The following GPR35 variants were observed in gnomAD, a reference collection of about 807,000 sequenced individuals.
GPR35 encodes the protein G protein-coupled receptor 35.
For missense variants in GPR35, 372 were observed against 422.5 expected, an observed-to-expected ratio of 0.88 and a Z score of 1.05; for synonymous variants, 207 against 198.4, an observed-to-expected ratio of 1.04 and a Z score of -0.36.
At chr2:240,611,966 C>T (rs542923813) in intron 2 of GPR35, among the ~76,000 whole-genome samples, 12 of 151,970 alleles carry the variant, frequency 7.9e-5, no homozygotes, top group Non-Finnish European at 1.6e-4. Flanking sequence ...GAGAGGCCAG[C>T]GAAGGAGCAA....
At position 240,630,756 on chromosome 2, in the gene GPR35, C is replaced by A. The variant is rs891164511; in HGVS notation, c.804C>A (p.Asn268Lys). 14 of 1,613,608 alleles carry A rather than the reference C, an allele frequency of 8.7e-6. No homozygotes were observed. The highest frequency in any genetic ancestry group is 1.1e-5 in the Non-Finnish European group (13 of 1,180,046). Residue 268 changes from asparagine (N) to lysine (K), a missense_variant, in exon 2 of 2, where the codon AAC becomes AAA. Physicochemically the swap from Asn to Lys is moderately conservative, Grantham distance 94. Transcript: ENST00000407714. ...LYITSKLSDA[N>K]CCLDAICYYY... is the part of the protein sequence containing the mutation. ...TAACCAGCAAGCTCTCAGATGCCAA[C>A]TGCTGCCTGGACGCCATCTGCTACT...
chr2:240,619,492 G>A (rs1575464060), intron 5 of GPR35, among the ~76,000 whole-genome samples: 2 of 152,326 alleles, frequency 1.3e-5, no homozygotes, highest in South Asian at 4.1e-4. Flanking sequence ...CTGGGGTTAA[G>A]GACCCTCTGC....
chr2:240,623,405 C>T (rs62187256), upstream of GPR35, among the ~76,000 whole-genome samples: 1,574 of 37,764 alleles, frequency 0.042, 134 homozygotes, highest in South Asian at 0.072. Context: ...GTCGTGAGGG[C>T]GCAAACAGAT....
chr2:240,624,871 G>C (rs1398162095), upstream of GPR35, among the ~76,000 whole-genome samples: 1 of 152,194 alleles, frequency 6.6e-6, no homozygotes, highest in Admixed American at 6.5e-5. Context: ...GGCTTCTGAG[G>C]GGGTGGGCTT....
intron 1 of GPR35, 76 bp from the exon 2 acceptor site, chr2:240,629,873 G>C: frequency 7.9e-7 from 1 of 1,270,016 alleles, no homozygotes; most frequent in East Asian, 2.3e-5. Context: ...CCTGCCCAGA[G>C]GTGGGCAGAG....
chr2:240,626,940 T>C (rs1336136140), intron 1 of GPR35, among the ~76,000 whole-genome samples: 1 of 152,184 alleles, frequency 6.6e-6, no homozygotes, highest in Non-Finnish European at 1.5e-5. Flanking sequence ...GATCACTCAG[T>C]GCAGAATCAA....
At chr2:240,619,227 G>A (rs777381007) in intron 5 of GPR35, among the ~76,000 whole-genome samples, 2 of 152,166 alleles carry the variant, frequency 1.3e-5, no homozygotes, top group Non-Finnish European at 2.9e-5. Flanking sequence ...GAGGAGAAAT[G>A]GTGTTGCAGT....
At chr2:240,615,846 A>G (rs1281025498) in intron 2 of GPR35, among the ~76,000 whole-genome samples, 1 of 152,226 alleles carries the variant, frequency 6.6e-6, no homozygotes, top group Non-Finnish European at 1.5e-5. Flanking sequence ...AGGCTACCAC[A>G]ATGGAGTTTT....
At chr2:240,625,693 G>C (rs1204796816) in intron 1 of GPR35, 125 bp downstream of exon 1, 1 of 291,268 alleles carries the variant, frequency 3.4e-6, no homozygotes. Flanking sequence ...TCTCAGAGTG[G>C]GGTGAGGCTG....
In GPR35 at chr2:240,631,894, C is replaced by T. The variant is rs540114362; in HGVS notation, c.*1012C>T. 2.0e-5 allele frequency among the ~76,000 whole-genome samples: 3 copies of T among 152,362 alleles called. No homozygotes were observed. The East Asian group carries it at 5.8e-4, about 29-fold the overall frequency. ...CCGCCCCACCCTGTTCCATGTTCCACAGGACTGGAGAGAGATGGCAGTCAT... is the reference window on the plus strand; with the variant it reads ...CCGCCCCACCCTGTTCCATGTTCCATAGGACTGGAGAGAGATGGCAGTCAT... On this transcript the variant is annotated 3_prime_UTR_variant, in exon 2 of 2. Transcript: ENST00000407714.
At chr2:240,620,929 C>A (rs951020705), upstream of GPR35, among the ~76,000 whole-genome samples, 4 of 152,238 alleles carry the variant, frequency 2.6e-5, no homozygotes, top group African/African-American at 9.6e-5. Context: ...GTCCTGGTCC[C>A]CAGCCCCTCA....
chr2:240,619,503 C>T (rs2043270554), intron 5 of GPR35, among the ~76,000 whole-genome samples: 1 of 152,212 alleles, frequency 6.6e-6, no homozygotes, highest in African/African-American at 2.4e-5. Context: ...GACCCTCTGC[C>T]TCAGTGGCTC....
chr2:240,631,237 C>A lies in GPR35; in HGVS notation c.*355C>A. 3.2e-6 allele frequency: 1 copy of A among 309,680 alleles called. No homozygotes were observed. Among genetic ancestry groups the A allele is most frequent in the South Asian group, 5.8e-5 (1 of 17,110 alleles). 19.2% of individuals were successfully genotyped at this position (309,680 alleles called of 1,614,324 possible). A position where few individuals can be genotyped will look rare whatever the true frequency, so the allele number is the denominator to read the frequency against. The stretch of plus-strand genomic sequence containing the variant: ...GCTGCCCCTCGGGGCTGGAATAAAA[C>A]TCCCCACCCAGAGTCAGTCCTAGTG... On this transcript the variant is annotated 3_prime_UTR_variant, in exon 2 of 2. Transcript: ENST00000407714.
At position 240,630,352 on chromosome 2, in the gene GPR35, G is replaced by T; in HGVS notation, c.400G>T (p.Ala134Ser). The change falls in exon 2 of 2, where the codon GCG becomes TCG. Residue 134 changes from alanine to serine, a missense_variant. Transcript: ENST00000407714. ...ARGLRSPRQA[A>S]AVCAVLWVLV... ...CGGGCTGCGGTCCCCCAGGCAGGCT[G>T]CGGCCGTGTGCGCGGTCCTCTGGGT... 1 of 1,604,124 alleles carries T rather than the reference G, an allele frequency of 6.2e-7. No homozygotes were observed. Among genetic ancestry groups the T allele is most frequent in the Non-Finnish European group, 8.5e-7 (1 of 1,178,212 alleles).
At chr2:240,608,043 C>A (rs1158690783) in intron 2 of GPR35, among the ~76,000 whole-genome samples, 1 of 152,162 alleles carries the variant, frequency 6.6e-6, no homozygotes, top group Non-Finnish European at 1.5e-5. Context: ...AGGTGTGCAC[C>A]ATCATGCCTG....
At chr2:240,617,488 T>G in intron 4 of GPR35, 1 of 488,280 alleles carries the variant, frequency 2.0e-6, no homozygotes, top group Non-Finnish European at 3.7e-6. Context: ...CATCAGGGTT[T>G]GCAAAGTAGT....
intron 1 of GPR35, among the ~76,000 whole-genome samples, 178 bp downstream of exon 1, chr2:240,625,746 C>G (rs1172516678): frequency 1.4e-5 from 2 of 144,806 alleles, no homozygotes; most frequent in Non-Finnish European, 3.0e-5. Flanking sequence ...GACAGGGTCT[C>G]AGAGCGGGGT....
chr2:240,610,470 CT>C (rs759733486), intron 2 of GPR35, among the ~76,000 whole-genome samples: 9 of 151,986 alleles, frequency 5.9e-5, no homozygotes, highest in Non-Finnish European at 1.2e-4. Context: ...TTCTTGCTTT[CT>C]TTTCCCCTAA....
At chr2:240,616,836 G>T (rs531542150) in intron 3 of GPR35, 8 of 698,976 alleles carry the variant, frequency 1.1e-5, no homozygotes, top group South Asian at 1.1e-4. Context: ...ACTCTCTCTC[G>T]CTGGCTCTGG....
Sources: allele counts gnomAD v4.1 joint callset (sites outside exome capture counted in the v4.1 genomes callset), GRCh38; gene constraint gnomAD v4.1.1; transcripts MANE v1.5; gene names NCBI Gene and HGNC (gene_info 2026-07-23, HGNC 2026-07-21).